Variants in NETO1 observed in about 807,000 individuals in gnomAD.
The protein encoded by NETO1 is neuropilin and tolloid-like protein 1.
A neutral mutation model predicts 61.3 loss-of-function variants in NETO1; 26 were observed. The ratio of observed to expected loss-of-function variants is 0.42; its 90% CI spans 0.31 to 0.59. The LOEUF is 0.59. NETO1 is among the 20% of genes least tolerant of loss of function. The pLI, the probability that NETO1 is intolerant of heterozygous loss-of-function variation, is 0.12. For synonymous variants in NETO1, 225 were observed against 225.8 expected, an observed-to-expected ratio of 1.00 and a Z score of 0.03; for missense variants, 531 against 662.8, an observed-to-expected ratio of 0.80 and a Z score of 2.18.
At chr18:72,762,107 C>T (rs983294367) in intron 7 of NETO1, among the ~76,000 whole-genome samples, 11 of 151,606 alleles carry the variant, frequency 7.3e-5, no homozygotes, top group Non-Finnish European at 1.5e-4. Flanking sequence ...CTTAAAAGAA[C>T]ATAGAATAGG....
chr18:72,847,556 T>C (rs1345359663), intron 4 of NETO1, among the ~76,000 whole-genome samples: 5 of 152,204 alleles, frequency 3.3e-5, no homozygotes, highest in Non-Finnish European at 7.3e-5. Context: ...ATGCACATCT[T>C]TGGGAAGGAT....
chr18:72,773,562 G>T (rs1053660273), intron 7 of NETO1, among the ~76,000 whole-genome samples: 1 of 152,124 alleles, frequency 6.6e-6, no homozygotes, highest in South Asian at 2.1e-4. Flanking sequence ...AACAGGTGGA[G>T]GTAAATGAAT....
chr18:72,789,338 G>C (rs2072036658), intron 6 of NETO1, among the ~76,000 whole-genome samples: 1 of 151,942 alleles, frequency 6.6e-6, no homozygotes, highest in Admixed American at 6.6e-5. Flanking sequence ...GTCCACCTGA[G>C]TAGCTGTTGA....
In NETO1 at chr18:72,867,373, G is replaced by A. The variant is rs1599207484; in HGVS notation, c.-82C>T. 5 of 1,157,262 alleles carry A rather than the reference G, an allele frequency of 4.3e-6. No homozygotes were observed. The highest frequency in any genetic ancestry group is 2.9e-5 in the East Asian group (1 of 34,204). The allele number at this position is 1,157,262 out of a possible 1,614,324, so 71.7% of individuals were successfully genotyped here. Reference sequence around the variant, plus strand: ...GACTTCCAGTGGCGGGGGGAGGACAGGGTCGAGAGGTGTTAAAGACGCAAA... The same window carrying A: ...GACTTCCAGTGGCGGGGGGAGGACAAGGTCGAGAGGTGTTAAAGACGCAAA... On this transcript the variant is annotated 5_prime_UTR_variant, in exon 1 of 11. Coordinates refer to ENST00000327305, the MANE Select transcript of NETO1 (RefSeq NM_138966.5).
intron 4 of NETO1, among the ~76,000 whole-genome samples, chr18:72,800,483 T>C (rs1176626209): frequency 1.3e-5 from 2 of 152,110 alleles, no homozygotes; most frequent in Non-Finnish European, 2.9e-5. Flanking sequence ...CTATCTCCCA[T>C]AACCCCTAGA....
At chr18:72,781,660 A>C (rs1056439205) in intron 7 of NETO1, among the ~76,000 whole-genome samples, 2 of 152,160 alleles carry the variant, frequency 1.3e-5, no homozygotes, top group Non-Finnish European at 2.9e-5. Flanking sequence ...AGCCCAAACG[A>C]TTTATTCGTT....
chr18:72,795,270 G>A (rs192716119), intron 4 of NETO1, among the ~76,000 whole-genome samples: 93 of 152,176 alleles, frequency 6.1e-4, no homozygotes, highest in African/African-American at 1.9e-3. Flanking sequence ...AGTTTTCCTC[G>A]TAATAGAGAC....
At chr18:72,768,558 G>T (rs2071240495) in intron 7 of NETO1, among the ~76,000 whole-genome samples, 1 of 152,142 alleles carries the variant, frequency 6.6e-6, no homozygotes, top group Non-Finnish European at 1.5e-5. Context: ...ATGGAAAAAG[G>T]GATTTCGCAG....
chr18:72,862,631 T>C (rs1018603960), intron 3 of NETO1, among the ~76,000 whole-genome samples: 2 of 149,302 alleles, frequency 1.3e-5, no homozygotes, highest in African/African-American at 4.9e-5. Context: ...TCTTTTTTTT[T>C]TTTTTTTGAG....
chr18:72,847,055 T>G (rs1047065154), intron 4 of NETO1, among the ~76,000 whole-genome samples: 1 of 152,238 alleles, frequency 6.6e-6, no homozygotes, highest in African/African-American at 2.4e-5. Context: ...TCTCTCTGAA[T>G]TACTTACAGA....
chr18:72,756,168 A>C (rs2070776428), intron 7 of NETO1, 21 bp from the exon 8 acceptor site: 1 of 1,232,698 alleles, frequency 8.1e-7, no homozygotes, highest in Non-Finnish European at 1.2e-6. Flanking sequence ...GAAGAACAAG[A>C]CAAAGGAGGA....
intron 7 of NETO1, among the ~76,000 whole-genome samples, chr18:72,781,621 C>T (rs1333543319): frequency 1.3e-5 from 2 of 151,962 alleles, no homozygotes; most frequent in African/African-American, 2.4e-5. Context: ...CATAAAATTC[C>T]CCAACTGGGT....
rs945422036 is a variant in NETO1, at chr18:72,805,841, ATT to A, written c.470-11439_470-11438del. ...TTATATATAAAACAGATAAAATACA[ATT>A]TTTTTTTGGCAGGGGAAAAATATGT... On this transcript the variant is annotated intron_variant, in intron 4 of 10. Coordinates refer to ENST00000327305, the MANE Select transcript of NETO1 (RefSeq NM_138966.5). Among the ~76,000 whole-genome samples the A allele has an allele frequency of 3.8e-4, 58 of 151,594 alleles. 2 individuals are homozygous for A. The highest frequency in any genetic ancestry group is 2.9e-3 in the East Asian group (15 of 5,156).
chr18:72,833,532 T>C (rs2073646525), intron 4 of NETO1, among the ~76,000 whole-genome samples: 1 of 152,146 alleles, frequency 6.6e-6, no homozygotes, highest in South Asian at 2.1e-4. Flanking sequence ...GTAAAACTGG[T>C]TTAGTAAATG....
chr18:72,808,419 T>TTGTGTGTGTGTGTGTGTGTGTGTGTG (rs368047239), intron 4 of NETO1, among the ~76,000 whole-genome samples: 1 of 141,834 alleles, frequency 7.1e-6, no homozygotes, highest in Non-Finnish European at 1.5e-5. Flanking sequence ...CACTGCAGAT[T>TTGTGTGTGTGTGTGTGTGTGTGTGTG]TGTGTGTGTG....
In NETO1 at chr18:72,867,932, GA is replaced by G; in HGVS notation, c.-642del. 1 of 152,154 alleles carries G rather than the reference GA, an allele frequency of 6.6e-6. No individual in the cohort carries two copies. Among genetic ancestry groups the G allele is most frequent in the South Asian group, 1.9e-4 (1 of 5,224 alleles). 9.4% of individuals were successfully genotyped at this position (152,154 alleles called of 1,614,324 possible). A position where few individuals can be genotyped will look rare whatever the true frequency, so the allele number is the denominator to read the frequency against. The stretch of plus-strand genomic sequence containing the variant: ...TCTTCCGCTGAGGCATTGAAGGCAG[GA>G]AGAAGGGGTCCGTCATCGGCTCGCC... On this transcript the variant is annotated 5_prime_UTR_variant, in exon 1 of 11. It removes the in-frame stop codon of an upstream open reading frame in the 5' UTR. Transcript: ENST00000327305.
chr18:72,834,168 A>C (rs2073668543), intron 4 of NETO1: 1 of 684,874 alleles, frequency 1.5e-6, no homozygotes, highest in Non-Finnish European at 1.8e-6. Context: ...AAAACATTTT[A>C]ATATTTTAAT....
intron 6 of NETO1, among the ~76,000 whole-genome samples, chr18:72,793,319 C>T (rs1302974131): frequency 1.3e-5 from 2 of 152,058 alleles, no homozygotes; most frequent in Admixed American, 1.3e-4. Flanking sequence ...CCTGTGACAC[C>T]TGCTGGCACA....
chr18:72,800,671 T>C (rs886903238), intron 4 of NETO1, among the ~76,000 whole-genome samples: 15 of 152,014 alleles, frequency 9.9e-5, no homozygotes, highest in African/African-American at 2.7e-4. Context: ...CATGGAAAAA[T>C]TGTCTTCCAC....
Sources: gnomAD v4.1 joint callset for allele counts (sites outside exome capture counted in the v4.1 genomes callset) on GRCh38, gnomAD v4.1.1 for gene constraint, MANE v1.5 for transcripts, NCBI Gene and HGNC (gene_info 2026-07-23, HGNC 2026-07-21) for gene names.